Variants in DLG5 observed in about 807,000 individuals in gnomAD.
DLG5 encodes the protein discs large MAGUK scaffold protein 5, also known as disks large homolog 5.
In DLG5, 48 loss-of-function variants were observed where a neutral mutation model predicts 189.8. That is an observed-to-expected ratio of 0.25 (90% CI 0.20 to 0.32). The LOEUF (loss-of-function observed/expected upper bound fraction) is 0.32. Among genes scored for constraint, DLG5 ranks in the 10% least tolerant of loss-of-function variants. The pLI is 1.00. For missense variants in DLG5, 2,160 were observed against 2,544.7 expected, an observed-to-expected ratio of 0.85 and a Z score of 3.25; for synonymous variants, 1,016 against 1,054.1, an observed-to-expected ratio of 0.96 and a Z score of 0.70.
chr10:77,863,888 G>C (rs899079643), intron 2 of DLG5, among the ~76,000 whole-genome samples: 2 of 152,172 alleles, frequency 1.3e-5, no homozygotes, highest in Non-Finnish European at 2.9e-5. Flanking sequence ...TTGTAAAGGA[G>C]GCAACAGGAA....
At chr10:77,818,458 T>G (rs1198914017) in intron 17 of DLG5, among the ~76,000 whole-genome samples, 2 of 152,138 alleles carry the variant, frequency 1.3e-5, no homozygotes, top group Admixed American at 1.3e-4. Context: ...AAATCCAAAC[T>G]CTTCATCACC....
In DLG5 at chr10:77,794,046, G is replaced by A. The variant is rs753947317; in HGVS notation, c.5618C>T (p.Ala1873Val). The change falls in exon 31 of 32, where the codon GCG becomes GTG. Residue 1873 changes from alanine (A) to valine (V), a missense_variant. By Grantham distance (64) the Ala-to-Val change is moderately conservative (BLOSUM62 0). Transcript: ENST00000372391. ...QRHSKEQFEA[A>V]QKLEQEYSRY... The stretch of plus-strand genomic sequence containing the variant: ...GCTGTACTCCTGCTCAAGCTTCTGC[G>A]CCGCCTCAAACTGCTCTTTGGAATG... 6 of 1,614,136 alleles carry A rather than the reference G, an allele frequency of 3.7e-6. No individual in the cohort carries two copies. The highest frequency in any genetic ancestry group is 1.1e-5 in the South Asian group (1 of 91,088).
chr10:77,936,808 C>T, the DLG5 span, among the ~76,000 whole-genome samples: 1 of 152,206 alleles, frequency 6.6e-6, no homozygotes, highest in Non-Finnish European at 1.5e-5. Context: ...GGCCTATGCC[C>T]TAGCTCCTCA....
chr10:77,892,944 G>A (rs541345053), intron 1 of DLG5, among the ~76,000 whole-genome samples: 38 of 152,326 alleles, frequency 2.5e-4, no homozygotes, highest in African/African-American at 7.5e-4. Flanking sequence ...CAGACTAAAC[G>A]CAGTAGGTAC....
At chr10:77,792,629 A>C (rs928401594) in intron 31 of DLG5, 86 bp from the exon 32 acceptor site, 20 of 1,247,346 alleles carry the variant, frequency 1.6e-5, no homozygotes, top group Middle Eastern at 1.9e-4. Flanking sequence ...CACTCTTTCT[A>C]CTGTGTGGCT....
intron 20 of DLG5, chr10:77,816,117 A>G (rs1842036076): frequency 2.1e-6 from 1 of 478,672 alleles, no homozygotes; most frequent in South Asian, 1.5e-5. Context: ...TCCCGGTGCC[A>G]GCCACTAACC....
At chr10:77,893,429 C>A (rs1845667901) in intron 1 of DLG5, among the ~76,000 whole-genome samples, 1 of 152,272 alleles carries the variant, frequency 6.6e-6, no homozygotes. Flanking sequence ...CTCAGCCCCA[C>A]TTTACTGAAG....
Position 77,792,059 on chromosome 10 carries a change from G to A in DLG5, c.*381C>T. ...GGTTGACAGAGGGGACAGGGGCTGG[G>A]CACCGGCAACATGGAGCCGTTCAAG... On this transcript the variant is annotated 3_prime_UTR_variant, in exon 32 of 32. Transcript: ENST00000372391. 4.8e-6 allele frequency: 1 copy of A among 208,324 alleles called. No homozygotes were observed. Among genetic ancestry groups the A allele is most frequent in the Non-Finnish European group, 9.7e-6 (1 of 103,562 alleles). 12.9% of individuals were successfully genotyped at this position (208,324 alleles called of 1,614,324 possible).
chr10:77,873,743 T>C (rs978547055), intron 1 of DLG5, among the ~76,000 whole-genome samples: 3 of 152,112 alleles, frequency 2.0e-5, no homozygotes, highest in African/African-American at 7.2e-5. Flanking sequence ...GTTCCAGCCT[T>C]GAACCAGCAC....
At chr10:77,834,083 G>A (rs1240025125) in intron 8 of DLG5, 44 bp from the exon 9 acceptor site, 1 of 1,584,708 alleles carries the variant, frequency 6.3e-7, no homozygotes, top group South Asian at 1.1e-5. Context: ...AGAGGCATGG[G>A]GAAGGGGGTT....
At chr10:77,916,937 C>T (rs1317528313) in intron 1 of DLG5, among the ~76,000 whole-genome samples, 3 of 102,380 alleles carry the variant, frequency 2.9e-5, no homozygotes, top group Non-Finnish European at 4.2e-5. Context: ...GAATATTATT[C>T]GGCCTAAAAA....
At chr10:77,899,153 T>C (rs1346225331) in intron 1 of DLG5, among the ~76,000 whole-genome samples, 1 of 152,148 alleles carries the variant, frequency 6.6e-6, no homozygotes, top group African/African-American at 2.4e-5. Flanking sequence ...ATCTCCCTAG[T>C]AAGGATGGCA....
chr10:77,873,896 T>C lies in DLG5; in HGVS notation c.305-4699A>G, dbSNP rs192082481. ...ACCAAGCTGCTACTCTCTGGAGCTC[T>C]GGGGTCCCTGAAGACAGAGCAGGAA... On this transcript the variant is annotated intron_variant, in intron 1 of 31. Transcript: ENST00000372391. 2.4e-3 allele frequency among the ~76,000 whole-genome samples: 359 copies of C among 152,322 alleles called. 2 individuals are homozygous for C. The highest frequency in any genetic ancestry group is 0.023 in the South Asian group (112 of 4,828).
At chr10:77,812,170 T>G in intron 21 of DLG5, 45 bp downstream of exon 21, 1 of 1,600,374 alleles carries the variant, frequency 6.2e-7, no homozygotes, top group Non-Finnish European at 8.5e-7. Context: ...GGGGAAGAAG[T>G]GCAGGTTTCC....
Position 77,918,018 on chromosome 10 carries a change from C to CA in DLG5, c.304+8198dup, listed in dbSNP as rs946645342. Among the ~76,000 whole-genome samples, 587 of 117,128 alleles carry CA rather than the reference C, an allele frequency of 5.0e-3. 5 individuals carry two copies. Among genetic ancestry groups the CA allele is most frequent in the African/African-American group, 0.018 (484 of 26,982 alleles). The allele number at this position is 117,128 out of a possible 152,430, so 76.8% of individuals were successfully genotyped here. A position where few individuals can be genotyped will look rare whatever the true frequency, so the allele number is the denominator to read the frequency against. ...GGGCAACAAGAGCAAAACTCTGTCT[C>CA]AAAAAAAAAAACAAAAAACAAAAAA... On this transcript the variant is annotated intron_variant, in intron 1 of 31. Transcript: ENST00000372391.
At chr10:77,868,908 G>A in intron 2 of DLG5, 1 of 556,878 alleles carries the variant, frequency 1.8e-6, no homozygotes, top group Non-Finnish European at 3.2e-6. Context: ...AGTAAACAAT[G>A]GCAAAACATG....
chr10:77,824,344 T>A lies in DLG5; in HGVS notation c.2382+40A>T, dbSNP rs755906668. On this transcript the variant is annotated intron_variant, in intron 14 of 31. Transcript: ENST00000372391. ...CTATGTGGAGCCGGGGCTCTGCCCATACTCCTGACCGTGAGAGCAGAGCCA... is the reference window on the plus strand; with the variant it reads ...CTATGTGGAGCCGGGGCTCTGCCCAAACTCCTGACCGTGAGAGCAGAGCCA... 28 of 1,476,560 alleles carry A rather than the reference T, an allele frequency of 1.9e-5. No homozygotes were observed. The African/African-American group carries it at 3.6e-4, about 19-fold the overall frequency. The allele number at this position is 1,476,560 out of a possible 1,614,324, so 91.5% of individuals were successfully genotyped here.
intron 1 of DLG5, among the ~76,000 whole-genome samples, chr10:77,876,887 T>A (rs1001568103): frequency 3.3e-5 from 5 of 150,950 alleles, no homozygotes; most frequent in African/African-American, 4.9e-5. Flanking sequence ...TTTTTTTTTT[T>A]AAACTTTATA....
intron 7 of DLG5, among the ~76,000 whole-genome samples, chr10:77,838,737 A>G (rs769000288): frequency 9.2e-5 from 14 of 152,184 alleles, no homozygotes; most frequent in Admixed American, 2.0e-4. Flanking sequence ...GACCTGCCAG[A>G]AGGCCCCCCA....
Sources: allele counts gnomAD v4.1 joint callset (sites outside exome capture counted in the v4.1 genomes callset), GRCh38; gene constraint gnomAD v4.1.1; transcripts MANE v1.5; gene names NCBI Gene and HGNC (gene_info 2026-07-23, HGNC 2026-07-21).